The following SLC9B1 variants were observed in gnomAD, a reference collection of about 807,000 sequenced individuals.
SLC9B1 encodes solute carrier family 9 member B1, also known as sodium/hydrogen exchanger 9B1.
A neutral mutation model predicts 51.7 loss-of-function variants in SLC9B1; 32 were observed. That is an observed-to-expected ratio of 0.62 (90% CI 0.47 to 0.83). The LOEUF is 0.83. Among genes scored for constraint, SLC9B1 ranks in the 40% least tolerant of loss-of-function variants. SLC9B1 has a pLI of 0.00. For synonymous variants in SLC9B1, 145 were observed against 212.7 expected (o/e 0.68, Z 2.77); for missense variants, 406 against 613.2 (o/e 0.66, Z 3.57).
intron 11 of SLC9B1, chr4:102,891,571 C>T (rs993417736): frequency 1.3e-5 from 2 of 152,128 alleles, no homozygotes; most frequent in Admixed American, 1.3e-4. Flanking sequence ...ACAATTTCCC[C>T]TTAGCTATTT....
intron 6 of SLC9B1, among the ~76,000 whole-genome samples, chr4:102,940,486 C>T (rs1736934969): frequency 6.6e-6 from 1 of 151,946 alleles, no homozygotes; most frequent in South Asian, 2.1e-4. Flanking sequence ...ACATTTTTCA[C>T]AGGATTAAAA....
At chr4:102,972,484 GATC>G (rs1458642757) in intron 3 of SLC9B1, among the ~76,000 whole-genome samples, 1 of 152,156 alleles carries the variant, frequency 6.6e-6, no homozygotes, top group Non-Finnish European at 1.5e-5. Flanking sequence ...GGGCTCAGGT[GATC>G]TGCTCGCCTC....
intron 1 of SLC9B1, among the ~76,000 whole-genome samples, chr4:103,015,255 A>G (rs1175852580): frequency 6.6e-6 from 1 of 151,532 alleles, no homozygotes; most frequent in Non-Finnish European, 1.5e-5. Flanking sequence ...CCAGCCTATG[A>G]CAGTTTATAA....
rs539595767 is a variant in SLC9B1 at position 102,945,088 on chromosome 4, G to C, written c.653+105C>G. 3.2e-6 allele frequency: 4 copies of C among 1,236,162 alleles called. No individual in the cohort carries two copies. The East Asian group carries it at 1.1e-4, about 33-fold the overall frequency. The allele number at this position is 1,236,162 out of a possible 1,614,324, so 76.6% of individuals were successfully genotyped here. A position where few individuals can be genotyped will look rare whatever the true frequency, so the allele number is the denominator to read the frequency against. On this transcript the variant is annotated intron_variant, in intron 6 of 11. Transcript: ENST00000296422. Reference sequence around the variant, plus strand: ...TTTCCAAGGATTTTAACACTGAAACGAATTTTAATAGAGCTTTTCTATACA... The same window carrying C: ...TTTCCAAGGATTTTAACACTGAAACCAATTTTAATAGAGCTTTTCTATACA...
intron 7 of SLC9B1, among the ~76,000 whole-genome samples, chr4:102,915,981 A>G (rs1417693609): frequency 6.6e-6 from 1 of 152,168 alleles, no homozygotes; most frequent in Non-Finnish European, 1.5e-5. Flanking sequence ...CCCCTACCAA[A>G]AAAAGAAATC....
intron 9 of SLC9B1, 21 bp downstream of exon 9, chr4:102,910,418 T>A (rs1735281672): frequency 1.3e-6 from 2 of 1,528,234 alleles, no homozygotes; most frequent in African/African-American, 2.9e-5. Context: ...TTTTAAAATA[T>A]AGCATATTAA....
At chr4:102,965,903 G>A (rs1323981843) in intron 3 of SLC9B1, among the ~76,000 whole-genome samples, 2 of 152,122 alleles carry the variant, frequency 1.3e-5, no homozygotes, top group Non-Finnish European at 1.5e-5. Context: ...GACAGGCCTC[G>A]AGCAAGTTCA....
At chr4:102,997,019 C>T (rs998087665) in intron 1 of SLC9B1, among the ~76,000 whole-genome samples, 1 of 151,728 alleles carries the variant, frequency 6.6e-6, no homozygotes, top group Admixed American at 6.6e-5. Flanking sequence ...GTCTCAAACT[C>T]CTGAGCTCAA....
downstream of SLC9B1, among the ~76,000 whole-genome samples, chr4:102,895,974 C>T (rs1243636198): frequency 6.6e-6 from 1 of 152,216 alleles, no homozygotes; most frequent in Non-Finnish European, 1.5e-5. Context: ...AATTTTTAAA[C>T]ATCCAATTGT....
intron 1 of SLC9B1, among the ~76,000 whole-genome samples, chr4:102,997,035 C>T (rs1010662403): frequency 6.6e-6 from 1 of 151,960 alleles, no homozygotes; most frequent in African/African-American, 2.4e-5. Flanking sequence ...CTCAAGCAAT[C>T]CTTTTGTCTC....
chr4:102,981,256 C>T (rs895286751), intron 3 of SLC9B1, among the ~76,000 whole-genome samples: 1 of 152,082 alleles, frequency 6.6e-6, no homozygotes, highest in African/African-American at 2.4e-5. Flanking sequence ...TAATGAAAGA[C>T]ATTTTGATTG....
intron 3 of SLC9B1, 42 bp downstream of exon 3, chr4:102,989,758 A>G: frequency 7.3e-7 from 1 of 1,371,454 alleles, no homozygotes; most frequent in Non-Finnish European, 1.0e-6. Context: ...TATCAAACAT[A>G]TTTCTCATCT....
intron 1 of SLC9B1, among the ~76,000 whole-genome samples, chr4:103,015,396 T>C (rs1407783396): frequency 1.3e-5 from 2 of 152,064 alleles, no homozygotes; most frequent in African/African-American, 4.8e-5. Flanking sequence ...TGGTAACCCA[T>C]TGACCTAGAA....
intron 1 of SLC9B1, among the ~76,000 whole-genome samples, chr4:103,004,925 C>T (rs567945050): frequency 3.3e-5 from 5 of 152,132 alleles, no homozygotes; most frequent in South Asian, 4.2e-4. Flanking sequence ...TACAAGAGGT[C>T]CTGAAGGGAG....
intron 3 of SLC9B1, among the ~76,000 whole-genome samples, chr4:102,957,693 T>G (rs1353140020): frequency 6.6e-6 from 1 of 152,148 alleles, no homozygotes; most frequent in African/African-American, 2.4e-5. Flanking sequence ...TGACACCAGA[T>G]GGCAACTTGA....
chr4:102,893,070 G>A (rs964971389), intron 11 of SLC9B1, among the ~76,000 whole-genome samples: 1 of 151,892 alleles, frequency 6.6e-6, no homozygotes, highest in African/African-American at 2.4e-5. Context: ...ATCGCCTAAG[G>A]TCAGGAGTTC....
At chr4:102,926,931 T>C in intron 7 of SLC9B1, among the ~76,000 whole-genome samples, 1 of 152,082 alleles carries the variant, frequency 6.6e-6, no homozygotes, top group Non-Finnish European at 1.5e-5. Context: ...AACAGAGGCC[T>C]CAGAAATAAG....
intron 5 of SLC9B1, among the ~76,000 whole-genome samples, chr4:102,946,277 T>TAC (rs1234047798): frequency 1.3e-5 from 2 of 152,140 alleles, no homozygotes; most frequent in African/African-American, 4.8e-5. Context: ...TTCTATACAG[T>TAC]CTTTTTTTCT....
At chr4:102,959,453 G>A (rs1737978441) in intron 3 of SLC9B1, among the ~76,000 whole-genome samples, 2 of 152,146 alleles carry the variant, frequency 1.3e-5, no homozygotes, top group African/African-American at 4.8e-5. Flanking sequence ...CTGTTAAGAT[G>A]TTCTTCCAGG....
Sources: allele counts gnomAD v4.1 joint callset (sites outside exome capture counted in the v4.1 genomes callset), GRCh38; gene constraint gnomAD v4.1.1; transcripts MANE v1.5; gene names NCBI Gene and HGNC (gene_info 2026-07-23, HGNC 2026-07-21).